INPP5A: variants seen among roughly 807,000 people sequenced by gnomAD.
INPP5A encodes inositol polyphosphate-5-phosphatase A.
Under a neutral mutation model 65.2 loss-of-function variants are expected in INPP5A, and 14 were observed. The ratio of observed to expected loss-of-function variants is 0.21; its 90% CI spans 0.14 to 0.34. INPP5A has a LOEUF of 0.34. INPP5A is among the 10% of genes least tolerant of loss of function. The pLI is 1.00. For missense variants in INPP5A, 431 were observed against 545.6 expected (o/e 0.79, Z 2.09); for synonymous variants, 207 against 208.3 (o/e 0.99, Z 0.05).
At chr10:132,582,501 T>C (rs1222443425) in intron 1 of INPP5A, among the ~76,000 whole-genome samples, 5 of 151,870 alleles carry the variant, frequency 3.3e-5, no homozygotes, top group African/African-American at 1.2e-4. Context: ...CACTGCATCC[T>C]TGACCTCCCG....
intron 1 of INPP5A, among the ~76,000 whole-genome samples, chr10:132,573,875 G>A (rs2071382994): frequency 7.9e-6 from 1 of 127,064 alleles, no homozygotes; most frequent in African/African-American, 3.2e-5. Context: ...GAGATGTTGG[G>A]GTGTGTGTGC....
In INPP5A at chr10:132,708,297, CGT is replaced by C. The variant is rs1564974806; in HGVS notation, c.475-13_475-12del. On this transcript the variant is annotated splice_polypyrimidine_tract_variant and intron_variant, in intron 6 of 15. Transcript: ENST00000368594. ...CACTTACTCTGGCTCATTTGTGTGA[CGT>C]GTTTATTTTTCAGTGCAAATGGTCA... is the stretch of plus-strand genomic sequence containing the variant. 1 of 1,613,564 alleles carries C rather than the reference CGT, an allele frequency of 6.2e-7. No individual in the cohort carries two copies. The highest frequency in any genetic ancestry group is 8.5e-7 in the Non-Finnish European group (1 of 1,179,526).
chr10:132,563,745 G>A (rs891287294), intron 1 of INPP5A, among the ~76,000 whole-genome samples: 11 of 152,312 alleles, frequency 7.2e-5, no homozygotes, highest in African/African-American at 2.4e-4. Flanking sequence ...AGTTCACCCC[G>A]ACAAGCAAAT....
intron 9 of INPP5A, among the ~76,000 whole-genome samples, chr10:132,730,515 G>C (rs1263062616): frequency 6.6e-6 from 1 of 152,264 alleles, no homozygotes; most frequent in African/African-American, 2.4e-5. Context: ...GCTCTGTGGA[G>C]AGGTGTCCTG....
intron 1 of INPP5A, among the ~76,000 whole-genome samples, chr10:132,560,864 C>G (rs1190557385): frequency 6.6e-6 from 1 of 151,612 alleles, no homozygotes; most frequent in African/African-American, 2.4e-5. Flanking sequence ...CTGCCTTGGC[C>G]TCCCAAAATG....
chr10:132,633,533 G>A (rs889688642), intron 2 of INPP5A, among the ~76,000 whole-genome samples: 3 of 152,118 alleles, frequency 2.0e-5, no homozygotes, highest in Non-Finnish European at 4.4e-5. Context: ...CCTGGGCACC[G>A]CACCTCCTCC....
intron 4 of INPP5A, among the ~76,000 whole-genome samples, chr10:132,688,701 G>C (rs767833371): frequency 2.6e-5 from 4 of 151,532 alleles, no homozygotes; most frequent in African/African-American, 9.7e-5. Flanking sequence ...GCATGTGTGT[G>C]CAAGTGTGAA....
At position 132,774,211 on chromosome 10, in the gene INPP5A, G is replaced by A. The variant is rs191853284; in HGVS notation, c.978-3460G>A. Among the ~76,000 whole-genome samples the A allele has an allele frequency of 2.8e-3, 434 of 152,318 alleles. 8 individuals are homozygous for A. The highest frequency in any genetic ancestry group is 8.6e-3 in the African/African-American group (359 of 41,560). ...AGTGGCAGCTGGTGTGTTTGGAAGC[G>A]GGTGTCTGAAGCCAGCATTGCCAGT... On this transcript the variant is annotated intron_variant, in intron 12 of 15. Coordinates refer to ENST00000368594, the MANE Select transcript of INPP5A (RefSeq NM_005539.5).
chr10:132,686,999 C>T (rs1395161491), intron 4 of INPP5A, among the ~76,000 whole-genome samples: 1 of 152,220 alleles, frequency 6.6e-6, no homozygotes, highest in Non-Finnish European at 1.5e-5. Context: ...GGCTGGAGTG[C>T]AGTGGCATGA....
At chr10:132,713,867 A>C (rs1564978407) in intron 8 of INPP5A, among the ~76,000 whole-genome samples, 1 of 152,066 alleles carries the variant, frequency 6.6e-6, no homozygotes, top group East Asian at 1.9e-4. Flanking sequence ...CAGGTGGGGG[A>C]TGGGGGCCTG....
At chr10:132,722,032 C>T (rs553786623) in intron 8 of INPP5A, among the ~76,000 whole-genome samples, 2 of 152,122 alleles carry the variant, frequency 1.3e-5, no homozygotes, top group East Asian at 1.9e-4. Context: ...AACACATCTG[C>T]GATGAACCAT....
intron 8 of INPP5A, among the ~76,000 whole-genome samples, chr10:132,723,012 C>T (rs775462995): frequency 2.6e-5 from 4 of 152,210 alleles, no homozygotes; most frequent in Non-Finnish European, 5.9e-5. Context: ...ACAGCCCCTT[C>T]GTCTTGCGGC....
At chr10:132,586,875 CGCAGCGCGGCGAGGCTGT>C (rs1412485145) in intron 1 of INPP5A, among the ~76,000 whole-genome samples, 1 of 152,200 alleles carries the variant, frequency 6.6e-6, no homozygotes, top group Non-Finnish European at 1.5e-5. Context: ...CAGAAGGCGG[CGCAGCGCGGCGAGGCTGT>C]GGTTCTCTGC....
chr10:132,699,398 C>T (rs1274215427), intron 6 of INPP5A, among the ~76,000 whole-genome samples: 1 of 151,988 alleles, frequency 6.6e-6, no homozygotes, highest in Non-Finnish European at 1.5e-5. Flanking sequence ...CAGGCGCTGC[C>T]ACCTGATGGC....
Position 132,655,131 on chromosome 10 carries a change from G to A in INPP5A, c.306+4626G>A, listed in dbSNP as rs115564208. On this transcript the variant is annotated intron_variant, in intron 4 of 15. Transcript: ENST00000368594. ...AGGCTGAGCCCCGAGCTCTGCGCCC[G>A]CATGGAAAATGGAAAAGTGGCGAGA... Among the ~76,000 whole-genome samples the A allele has an allele frequency of 8.2e-3, 1,243 of 152,344 alleles. 15 individuals are homozygous for A. The highest frequency in any genetic ancestry group is 0.029 in the African/African-American group (1,186 of 41,590).
At position 132,779,774 on chromosome 10, in the gene INPP5A, C is replaced by T. The variant is rs181714813; in HGVS notation, c.1090-1075C>T. Among the ~76,000 whole-genome samples, 13 of 152,342 alleles carry T rather than the reference C, an allele frequency of 8.5e-5. No homozygotes were observed. In the East Asian group the frequency reaches 1.7e-3, roughly 20 times the overall value. Reference sequence around the variant, plus strand: ...CCGCAGCCTCATCCATCATGACACGCGCCGTCACCTCGTCACCAAGCTCCG... The same window carrying T: ...CCGCAGCCTCATCCATCATGACACGTGCCGTCACCTCGTCACCAAGCTCCG... On this transcript the variant is annotated intron_variant, in intron 13 of 15. Coordinates refer to ENST00000368594, the MANE Select transcript of INPP5A (RefSeq NM_005539.5).
At chr10:132,699,299 C>T (rs894535617) in intron 6 of INPP5A, among the ~76,000 whole-genome samples, 2 of 148,436 alleles carry the variant, frequency 1.3e-5, no homozygotes, top group African/African-American at 5.0e-5. Flanking sequence ...CCGGGCAAGG[C>T]TCTCATCTCA....
At chr10:132,668,738 C>T (rs377328816) in intron 4 of INPP5A, among the ~76,000 whole-genome samples, 94 of 152,294 alleles carry the variant, frequency 6.2e-4, no homozygotes, top group African/African-American at 2.1e-3. Context: ...TAAAAGCTTG[C>T]GGCCCACTTC....
chr10:132,770,258 G>A lies in INPP5A; in HGVS notation c.977+4412G>A, dbSNP rs573074972. 9.6e-4 allele frequency among the ~76,000 whole-genome samples: 146 copies of A among 152,332 alleles called. 1 individual carries two copies. Among genetic ancestry groups the A allele is most frequent in the South Asian group, 3.5e-3 (17 of 4,826 alleles). The stretch of plus-strand genomic sequence containing the variant: ...TACCCACCCCCAGGTCAGCCTCTCC[G>A]CAGCCAGAGAGCCGAACGCTCCCAA... On this transcript the variant is annotated intron_variant, in intron 12 of 15. Transcript: ENST00000368594.
Sources: gnomAD v4.1 joint callset for allele counts (sites outside exome capture counted in the v4.1 genomes callset) on GRCh38, gnomAD v4.1.1 for gene constraint, MANE v1.5 for transcripts, NCBI Gene and HGNC (gene_info 2026-07-23, HGNC 2026-07-21) for gene names.